Variants in RPS6KC1 observed in about 807,000 individuals in gnomAD.
The protein encoded by RPS6KC1 is ribosomal protein S6 kinase C1.
In RPS6KC1, 54 loss-of-function variants were observed where a neutral mutation model predicts 103.8. That is an observed-to-expected ratio of 0.52 (90% CI 0.42 to 0.65). The LOEUF is 0.65. RPS6KC1 is among the 30% of genes least tolerant of loss of function. RPS6KC1 has a pLI of 0.00. For missense variants in RPS6KC1, 1,151 were observed against 1,253.8 expected (o/e 0.92, Z 1.24); for synonymous variants, 439 against 438.7 (o/e 1.00, Z -0.01).
At chr1:213,546,852 G>A in the RPS6KC1 span, among the ~76,000 whole-genome samples, 1 of 152,082 alleles carries the variant, frequency 6.6e-6, no homozygotes, top group Non-Finnish European at 1.5e-5. Context: ...CTTAACTAAG[G>A]TCCATCATTT....
At chr1:213,429,589 A>G in the RPS6KC1 span, among the ~76,000 whole-genome samples, 1 of 152,068 alleles carries the variant, frequency 6.6e-6, no homozygotes, top group Non-Finnish European at 1.5e-5. Flanking sequence ...CCTCTTCCCC[A>G]CTCTCATAGA....
the RPS6KC1 span, among the ~76,000 whole-genome samples, chr1:213,792,132 G>A: frequency 2.6e-5 from 4 of 152,088 alleles, no homozygotes; most frequent in Non-Finnish European, 4.4e-5. Flanking sequence ...ACCGCCCATG[G>A]TGCATCTCAA....
chr1:213,249,099 T>C (rs1358335164), intron 12 of RPS6KC1, among the ~76,000 whole-genome samples: 4 of 152,244 alleles, frequency 2.6e-5, no homozygotes, highest in African/African-American at 4.8e-5. Context: ...TAGAGACTTA[T>C]AGTTTAAAGT....
chr1:213,419,079 C>A, the RPS6KC1 span, among the ~76,000 whole-genome samples: 1 of 152,250 alleles, frequency 6.6e-6, no homozygotes, highest in African/African-American at 2.4e-5. Flanking sequence ...ACGTGTGACT[C>A]CCTATCCTTC....
chr1:213,740,229 T>A, the RPS6KC1 span, among the ~76,000 whole-genome samples: 2 of 152,096 alleles, frequency 1.3e-5, no homozygotes, highest in Admixed American at 1.3e-4. Flanking sequence ...TGCTATAACA[T>A]CATATATGCA....
chr1:213,311,074 G>A, the RPS6KC1 span, among the ~76,000 whole-genome samples: 1 of 152,182 alleles, frequency 6.6e-6, no homozygotes, highest in African/African-American at 2.4e-5. Flanking sequence ...CTCAACCAGA[G>A]CCGCTGGGGC....
At chr1:213,628,753 A>C in the RPS6KC1 span, among the ~76,000 whole-genome samples, 1 of 151,784 alleles carries the variant, frequency 6.6e-6, no homozygotes, top group African/African-American at 2.4e-5. Context: ...CTCTGCTTTG[A>C]ATGTGTCCCA....
chr1:213,731,704 A>C, the RPS6KC1 span: 1 of 152,238 alleles, frequency 6.6e-6, no homozygotes, highest in African/African-American at 2.4e-5. Flanking sequence ...AAATATGTGC[A>C]TCTATTATGC....
chr1:213,598,576 C>T, the RPS6KC1 span, among the ~76,000 whole-genome samples: 1 of 152,118 alleles, frequency 6.6e-6, no homozygotes, highest in Non-Finnish European at 1.5e-5. Flanking sequence ...ATCAGAAACT[C>T]TCCCGGAAAA....
chr1:213,627,406 C>G, the RPS6KC1 span, among the ~76,000 whole-genome samples: 3 of 152,126 alleles, frequency 2.0e-5, no homozygotes, highest in East Asian at 5.8e-4. Flanking sequence ...TAATTGAATA[C>G]CCTTTATTTC....
chr1:213,278,529 G>A (rs907409324), downstream of RPS6KC1, among the ~76,000 whole-genome samples: 4 of 152,190 alleles, frequency 2.6e-5, no homozygotes, highest in Admixed American at 2.6e-4. Context: ...TTTAGCAAAA[G>A]GATTCTAAAT....
chr1:213,431,259 T>A, the RPS6KC1 span, among the ~76,000 whole-genome samples: 17 of 152,318 alleles, frequency 1.1e-4, no homozygotes, highest in African/African-American at 4.1e-4. Flanking sequence ...GATTTCTTAT[T>A]TGACATTTTT....
intron 6 of RPS6KC1, among the ~76,000 whole-genome samples, chr1:213,156,717 C>A (rs1211455654): frequency 1.3e-5 from 2 of 152,058 alleles, no homozygotes; most frequent in Non-Finnish European, 2.9e-5. Context: ...TGGAAAAAAC[C>A]TGTCAACTGA....
the RPS6KC1 span, among the ~76,000 whole-genome samples, chr1:213,335,230 G>A: frequency 1.3e-5 from 2 of 152,206 alleles, no homozygotes; most frequent in Admixed American, 6.5e-5. Context: ...CAAGAGGATA[G>A]GATGGCAGAA....
At chr1:213,830,987 C>T in the RPS6KC1 span, among the ~76,000 whole-genome samples, 4 of 152,284 alleles carry the variant, frequency 2.6e-5, no homozygotes, top group Admixed American at 2.6e-4. Flanking sequence ...TCCTTCCCTG[C>T]TGAGGACCAG....
the RPS6KC1 span, among the ~76,000 whole-genome samples, chr1:213,573,567 C>A: frequency 6.6e-6 from 1 of 152,196 alleles, no homozygotes; most frequent in Non-Finnish European, 1.5e-5. Flanking sequence ...ACAGCCTCAT[C>A]GGTTTGTAGT....
the RPS6KC1 span, among the ~76,000 whole-genome samples, chr1:213,655,190 G>A: frequency 2.6e-5 from 4 of 152,128 alleles, no homozygotes; most frequent in African/African-American, 9.7e-5. Context: ...TTACAGGCAT[G>A]TGCCACTTTG....
At chr1:213,734,683 A>G in the RPS6KC1 span, among the ~76,000 whole-genome samples, 3 of 152,258 alleles carry the variant, frequency 2.0e-5, no homozygotes, top group Non-Finnish European at 4.4e-5. Flanking sequence ...GGCCAGGCCC[A>G]CTGATTAACA....
At chr1:213,138,338 G>T (rs1311871330) in intron 6 of RPS6KC1, among the ~76,000 whole-genome samples, 1 of 151,618 alleles carries the variant, frequency 6.6e-6, no homozygotes, top group Non-Finnish European at 1.5e-5. Context: ...AAGTCTTTTG[G>T]GGCCATTTTC....
Sources: gnomAD v4.1 joint callset for allele counts (sites outside exome capture counted in the v4.1 genomes callset) on GRCh38, gnomAD v4.1.1 for gene constraint, MANE v1.5 for transcripts, NCBI Gene and HGNC (gene_info 2026-07-23, HGNC 2026-07-21) for gene names.